Variants in GRM7 observed in about 807,000 individuals in gnomAD.
The protein encoded by GRM7 is glutamate metabotropic receptor 7.
In GRM7, 35 loss-of-function variants were observed where a neutral mutation model predicts 84.5. The ratio of observed to expected loss-of-function variants is 0.41; its 90% CI spans 0.32 to 0.55. The LOEUF (loss-of-function observed/expected upper bound fraction) is 0.55. GRM7 is among the 20% of genes least tolerant of loss of function. The probability of loss-of-function intolerance (pLI) is 0.19; values close to 1 mark genes in which losing one functional copy is unlikely to be tolerated. For missense variants in GRM7, 1,003 were observed against 1,194.6 expected (o/e 0.84, Z 2.36); for synonymous variants, 487 against 455.1 (o/e 1.07, Z -0.89).
chr3:7,262,833 G>A (rs1412051459), intron 2 of GRM7, among the ~76,000 whole-genome samples: 3 of 152,194 alleles, frequency 2.0e-5, no homozygotes, highest in Admixed American at 1.3e-4. Context: ...GAGTAGCTGG[G>A]ACTACAGGCA....
chr3:7,326,181 GA>G (rs1425006341), intron 4 of GRM7, among the ~76,000 whole-genome samples: 9 of 136,474 alleles, frequency 6.6e-5, no homozygotes, highest in Admixed American at 3.5e-4. Context: ...AAAAAAAAAA[GA>G]AAAAAAAACA....
intron 2 of GRM7, among the ~76,000 whole-genome samples, chr3:7,251,300 T>TAA (rs577843968): frequency 3.5e-5 from 5 of 144,546 alleles, no homozygotes; most frequent in African/African-American, 1.0e-4. Context: ...TTCAGTTACT[T>TAA]AAAAAAAAAA....
chr3:7,708,157 C>A (rs559346839), intron 9 of GRM7, among the ~76,000 whole-genome samples: 17 of 151,324 alleles, frequency 1.1e-4, no homozygotes, highest in Non-Finnish European at 2.5e-4. Context: ...TACTTTCAAA[C>A]CTTCAGTCCC....
At chr3:6,924,001 A>G (rs1033536570) in intron 1 of GRM7, among the ~76,000 whole-genome samples, 19 of 152,218 alleles carry the variant, frequency 1.2e-4, no homozygotes, top group African/African-American at 4.1e-4. Flanking sequence ...AGTTGGAGTC[A>G]GAAGACTTGA....
chr3:7,270,831 G>T (rs1698826739), intron 2 of GRM7, among the ~76,000 whole-genome samples: 1 of 152,174 alleles, frequency 6.6e-6, no homozygotes, highest in African/African-American at 2.4e-5. Flanking sequence ...GTTTAAAAAG[G>T]GAAAACTTGA....
intron 8 of GRM7, among the ~76,000 whole-genome samples, chr3:7,583,706 T>C (rs1695376904): frequency 6.6e-6 from 1 of 152,220 alleles, no homozygotes; most frequent in African/African-American, 2.4e-5. Context: ...CAATTACAAA[T>C]CTTTTTTGTT....
intron 4 of GRM7, among the ~76,000 whole-genome samples, chr3:7,311,196 G>A (rs1700378730): frequency 6.6e-6 from 1 of 152,182 alleles, no homozygotes; most frequent in African/African-American, 2.4e-5. Flanking sequence ...GATGAACTAT[G>A]CGGTCATTCT....
chr3:7,076,618 C>T (rs1312294285), intron 1 of GRM7, among the ~76,000 whole-genome samples: 1 of 152,118 alleles, frequency 6.6e-6, no homozygotes, highest in Non-Finnish European at 1.5e-5. Context: ...ATCCTTATAG[C>T]ACTGTGACAG....
chr3:7,606,541 C>T (rs1319170267), intron 8 of GRM7, among the ~76,000 whole-genome samples: 2 of 151,970 alleles, frequency 1.3e-5, no homozygotes, highest in Non-Finnish European at 2.9e-5. Context: ...TTTTCTTTTT[C>T]TTTTTGGGGG....
chr3:7,339,231 G>C (rs1344584166), intron 4 of GRM7, among the ~76,000 whole-genome samples: 2 of 152,060 alleles, frequency 1.3e-5, no homozygotes, highest in East Asian at 1.9e-4. Context: ...AATTTGCTTG[G>C]ATGGAATATA....
intron 1 of GRM7, among the ~76,000 whole-genome samples, chr3:7,112,247 CAG>C (rs1238477658): frequency 1.4e-5 from 2 of 147,164 alleles, no homozygotes; most frequent in Non-Finnish European, 3.0e-5. Flanking sequence ...TTTTTTGAGA[CAG>C]AGTCTCACTC....
At chr3:6,929,455 G>C (rs1697421313) in intron 1 of GRM7, among the ~76,000 whole-genome samples, 1 of 152,142 alleles carries the variant, frequency 6.6e-6, no homozygotes, top group Non-Finnish European at 1.5e-5. Context: ...TTATAAGGTG[G>C]TACCGTGTTC....
At chr3:7,646,424 C>T (rs1166865339) in intron 8 of GRM7, among the ~76,000 whole-genome samples, 1 of 151,858 alleles carries the variant, frequency 6.6e-6, no homozygotes, top group African/African-American at 2.4e-5. Flanking sequence ...GAACTCCTGA[C>T]CTGATGATCC....
At chr3:7,244,295 T>G (rs930130179) in intron 2 of GRM7, among the ~76,000 whole-genome samples, 2 of 152,126 alleles carry the variant, frequency 1.3e-5, no homozygotes, top group Non-Finnish European at 2.9e-5. Context: ...CTCAAATTAC[T>G]TGGTAAAACT....
In GRM7 at chr3:6,972,845, A is replaced by G. The variant is rs576497964; in HGVS notation, c.519+110938A>G. On this transcript the variant is annotated intron_variant, in intron 1 of 9. Coordinates refer to ENST00000357716, the MANE Select transcript of GRM7 (RefSeq NM_000844.4). ...TGAGGAGAATCCTGCTAGGGCTAAC[A>G]GCTGAGGCCATTAGCAAACCACACT... 1.2e-4 allele frequency among the ~76,000 whole-genome samples: 18 copies of G among 152,344 alleles called. 1 individual carries two copies. In the South Asian group the frequency reaches 2.7e-3, roughly 23 times the overall value.
At chr3:7,383,003 G>A (rs1312468031) in intron 4 of GRM7, among the ~76,000 whole-genome samples, 1 of 152,026 alleles carries the variant, frequency 6.6e-6, no homozygotes, top group African/African-American at 2.4e-5. Flanking sequence ...GTACCAAGTG[G>A]GCCATGTGTT....
chr3:7,643,291 TA>T (rs368558590), intron 8 of GRM7, among the ~76,000 whole-genome samples: 71,457 of 151,136 alleles, frequency 0.47, 17,433 homozygotes, highest in East Asian at 0.68. Flanking sequence ...GCAACTTCAG[TA>T]TTCACAAGGG....
chr3:7,464,894 G>A (rs1191119054), intron 7 of GRM7, among the ~76,000 whole-genome samples: 2 of 151,898 alleles, frequency 1.3e-5, no homozygotes, highest in Non-Finnish European at 2.9e-5. Context: ...TACTTGGGAG[G>A]CTGAGGCAGG....
intron 4 of GRM7, among the ~76,000 whole-genome samples, chr3:7,373,379 C>T (rs577207647): frequency 6.6e-6 from 1 of 152,206 alleles, no homozygotes; most frequent in East Asian, 1.9e-4. Flanking sequence ...TTTTATTTCT[C>T]TACATGTGGA....
Sources: gnomAD v4.1 joint callset for allele counts (sites outside exome capture counted in the v4.1 genomes callset) on GRCh38, gnomAD v4.1.1 for gene constraint, MANE v1.5 for transcripts, NCBI Gene and HGNC (gene_info 2026-07-23, HGNC 2026-07-21) for gene names.